The following ANKRD52 variants were observed in gnomAD, a reference collection of about 807,000 sequenced individuals.
ANKRD52 encodes the protein ankyrin repeat domain 52, also known as serine/threonine-protein phosphatase 6 regulatory ankyrin repeat subunit C.
In ANKRD52, 7 loss-of-function variants were observed where a neutral mutation model predicts 116.0. That is an observed-to-expected ratio of 0.06 (90% CI 0.03 to 0.11). ANKRD52 has a LOEUF of 0.11. Ranked by LOEUF, ANKRD52 falls within the 10% of genes least tolerant of loss-of-function variation. The pLI is 1.00. For missense variants in ANKRD52, 839 were observed against 1,408.6 expected, an observed-to-expected ratio of 0.60 and a Z score of 6.47; for synonymous variants, 528 against 578.1, an observed-to-expected ratio of 0.91 and a Z score of 1.24.
intron 15 of ANKRD52, among the ~76,000 whole-genome samples, chr12:56,251,437 G>A (rs1159367753): frequency 6.6e-6 from 1 of 151,900 alleles, no homozygotes; most frequent in African/African-American, 2.4e-5. Context: ...GTAGAGACGG[G>A]GTTTCACCAT....
chr12:56,244,111 A>T lies in ANKRD52; in HGVS notation c.2828T>A (p.Met943Lys), dbSNP rs756360363. 8.7e-6 allele frequency: 14 copies of T among 1,613,888 alleles called. 1 individual carries two copies. The highest frequency in any genetic ancestry group is 3.3e-4 in the Middle Eastern group (2 of 6,084). Reference protein sequence around the residue: ...CSKGHEKCALMILAETQDLGL... With the variant: ...CSKGHEKCALKILAETQDLGL... ...AAGGTCTTGGGTTTCTGCCAGGATC[A>T]TGAGGGCACATTTCTCATGGCCCTG... The change falls in exon 26 of 28, where the codon ATG (methionine) becomes AAG (lysine). Residue 943 changes from methionine to lysine, a missense_variant. Met to Lys is a moderately conservative substitution (Grantham distance 95). This residue lies in a region of ANKRD52 where 552 missense variants were observed against 810.6 expected (regional missense o/e 0.68). Transcript: ENST00000267116. This position sits in a 1 kb window ranked among gnomAD's most constrained non-coding sequence, Gnocchi z 4.9.
At chr12:56,250,809 T>C (rs1871653432) in intron 15 of ANKRD52, among the ~76,000 whole-genome samples, 1 of 151,876 alleles carries the variant, frequency 6.6e-6, no homozygotes, top group African/African-American at 2.4e-5. Flanking sequence ...CTATACCTAG[T>C]TTCCCGTCAT....
In ANKRD52 at chr12:56,243,066, C is replaced by G. The variant is rs1283454380; in HGVS notation, c.*76G>C. 2 of 1,467,022 alleles carry G rather than the reference C, an allele frequency of 1.4e-6. No individual in the cohort carries two copies. Among genetic ancestry groups the G allele is most frequent in the Non-Finnish European group, 1.8e-6 (2 of 1,108,576 alleles). 90.9% of individuals were successfully genotyped at this position (1,467,022 alleles called of 1,614,324 possible). On this transcript the variant is annotated 3_prime_UTR_variant, in exon 28 of 28. Coordinates refer to ENST00000267116, the MANE Select transcript of ANKRD52 (RefSeq NM_173595.4). This position sits in a 1 kb window ranked among gnomAD's most constrained non-coding sequence, Gnocchi z 4.6. ...CCAGTCGTGTTCTCCTTTAAAGTGC[C>G]CTAAATGTTTAGACTTTTTCTAAAT...
chr12:56,239,159 C>T lies in ANKRD52; in HGVS notation c.*3983G>A, dbSNP rs1387959141. On this transcript the variant is annotated 3_prime_UTR_variant, in exon 28 of 28. Coordinates refer to ENST00000267116, the MANE Select transcript of ANKRD52 (RefSeq NM_173595.4). Reference sequence around the variant, plus strand: ...AATTCAAAGAGCAGACCCTCCCCACCCCAGCTTCACCCCATCTCTGGGATT... The same window carrying T: ...AATTCAAAGAGCAGACCCTCCCCACTCCAGCTTCACCCCATCTCTGGGATT... The T allele has an allele frequency of 6.6e-6, 1 of 152,348 alleles. No individual in the cohort carries two copies. Among genetic ancestry groups the T allele is most frequent in the Admixed American group, 6.5e-5 (1 of 15,286 alleles). 9.4% of individuals were successfully genotyped at this position (152,348 alleles called of 1,614,324 possible).
At position 56,248,711 on chromosome 12, in the gene ANKRD52, G is replaced by A; in HGVS notation, c.1704+48C>T. 1 of 1,541,168 alleles carries A rather than the reference G, an allele frequency of 6.5e-7. No homozygotes were observed. ...CTTAGTTTTGGAATCCACAAACCCT[G>A]TGCCCTGCCCCTGCCTCCCCTCCTG... On this transcript the variant is annotated intron_variant, in intron 16 of 27. Transcript: ENST00000267116. This position sits in a 1 kb window ranked among gnomAD's most constrained non-coding sequence, Gnocchi z 5.1.
chr12:56,252,979 C>T lies in ANKRD52; in HGVS notation c.1183+25G>A, dbSNP rs1324102148. The T allele has an allele frequency of 2.5e-6, 4 of 1,584,276 alleles. No individual in the cohort carries two copies. Among genetic ancestry groups the T allele is most frequent in the African/African-American group, 1.3e-5 (1 of 74,304 alleles). ...GGCCTTTGCTCTCCTATACACCTGC[C>T]AATCCCCAGCCCATCAGCACATACC... On this transcript the variant is annotated intron_variant, in intron 11 of 27. Coordinates refer to ENST00000267116, the MANE Select transcript of ANKRD52 (RefSeq NM_173595.4). This position sits in a 1 kb window ranked among gnomAD's most constrained non-coding sequence, Gnocchi z 4.7.
rs1344910504 is a variant in ANKRD52 at position 56,241,214 on chromosome 12, CCTT to C, written c.*1925_*1927del. 1 of 152,108 alleles carries C rather than the reference CCTT, an allele frequency of 6.6e-6. No individual in the cohort carries two copies. Among genetic ancestry groups the C allele is most frequent in the East Asian group, 1.9e-4 (1 of 5,182 alleles). 9.4% of individuals were successfully genotyped at this position (152,108 alleles called of 1,614,324 possible). ...AAATAAAAACTAAAAGCTGCACAAT[CCTT>C]CTCATCAATAATGGTCATTTGGAAG... is the stretch of plus-strand genomic sequence containing the variant. On this transcript the variant is annotated 3_prime_UTR_variant, in exon 28 of 28. Transcript: ENST00000267116.
Position 56,245,158 on chromosome 12 carries a change from G to C in ANKRD52, c.2437C>G (p.His813Asp), listed in dbSNP as rs199849831. Reference protein sequence around the residue: ...HEDCLELLLEHSPFSYLEGNP... With the variant: ...HEDCLELLLEDSPFSYLEGNP... ...CCTTCCAGGTACGAAAACGGGCTGTGTTCAAGTAACAACTCCAGACAATCT... is the reference window on the plus strand; with the variant it reads ...CCTTCCAGGTACGAAAACGGGCTGTCTTCAAGTAACAACTCCAGACAATCT... Residue 813 changes from histidine to aspartate, a missense_variant, in exon 22 of 28, where the codon CAC becomes GAC. By Grantham distance (81) the His-to-Asp change is moderately conservative. Transcript: ENST00000267116. 1 of 1,613,896 alleles carries C rather than the reference G, an allele frequency of 6.2e-7. No homozygotes were observed. Among genetic ancestry groups the C allele is most frequent in the South Asian group, 1.1e-5 (1 of 91,084 alleles).
rs764252953 is a variant in ANKRD52 at position 56,254,405 on chromosome 12, A to G, written c.694-126T>C. On this transcript the variant is annotated intron_variant, in intron 7 of 27. Transcript: ENST00000267116. The surrounding 1 kb of genome is among the most constrained non-coding windows in gnomAD (Gnocchi z 4.6). Reference sequence around the variant, plus strand: ...TCCTCTCGGGTTTATGACCCAAGGTACTAAGGTACTAAGGGCACTATGGCT... The same window carrying G: ...TCCTCTCGGGTTTATGACCCAAGGTGCTAAGGTACTAAGGGCACTATGGCT... 425 of 1,413,012 alleles carry G rather than the reference A, an allele frequency of 3.0e-4. No individual in the cohort carries two copies. The highest frequency in any genetic ancestry group is 3.8e-4 in the Non-Finnish European group (392 of 1,035,280). 87.5% of individuals were successfully genotyped at this position (1,413,012 alleles called of 1,614,324 possible).
intron 15 of ANKRD52, among the ~76,000 whole-genome samples, chr12:56,251,140 C>T (rs1382680174): frequency 1.3e-5 from 2 of 151,990 alleles, no homozygotes; most frequent in African/African-American, 4.8e-5. Flanking sequence ...GGGGTTTCAC[C>T]ACGTTGGCCA....
In ANKRD52 at chr12:56,254,045, T is replaced by G; in HGVS notation, c.906+22A>C. The G allele has an allele frequency of 1.2e-6, 2 of 1,608,606 alleles. No individual in the cohort carries two copies. The highest frequency in any genetic ancestry group is 1.7e-6 in the Non-Finnish European group (2 of 1,175,228). On this transcript the variant is annotated intron_variant, in intron 8 of 27. Transcript: ENST00000267116. The surrounding 1 kb of genome is among the most constrained non-coding windows in gnomAD (Gnocchi z 4.6). ...ATCCAAGTTTCGCTCCCCACTGGTC[T>G]AAGCCTTATCCCTTCAGGCACCTGG...
rs369482711 is a variant in ANKRD52 at position 56,255,351 on chromosome 12, C to T, written c.463-399G>A. On this transcript the variant is annotated intron_variant, in intron 5 of 27. Transcript: ENST00000267116. The surrounding 1 kb of genome is among the most constrained non-coding windows in gnomAD (Gnocchi z 4.3). ...GACTACAGGCGGCCGCCACCACACC[C>T]GGCTAATTTTTTGTATTTTTAGTAG... Among the ~76,000 whole-genome samples the T allele has an allele frequency of 1.2e-4, 18 of 152,194 alleles. 2 individuals carry two copies. The highest frequency in any genetic ancestry group is 4.1e-4 in the African/African-American group (17 of 41,542).
Position 56,237,917 on chromosome 12 carries a change from GC to G in ANKRD52, c.*5224del. 1 of 697,536 alleles carries G rather than the reference GC, an allele frequency of 1.4e-6. No homozygotes were observed. The highest frequency in any genetic ancestry group is 2.2e-6 in the Non-Finnish European group (1 of 453,352). 43.2% of individuals were successfully genotyped at this position (697,536 alleles called of 1,614,324 possible). Reference sequence around the variant, plus strand: ...CCAGAGTGTGGTGGGAGGACCCGAAGCCGGTTGGGGGAGGATGTGAGTAGGG... The same window carrying G: ...CCAGAGTGTGGTGGGAGGACCCGAAGCGGTTGGGGGAGGATGTGAGTAGGG... On this transcript the variant is annotated 3_prime_UTR_variant, in exon 28 of 28. Coordinates refer to ENST00000267116, the MANE Select transcript of ANKRD52 (RefSeq NM_173595.4).
Position 56,254,710 on chromosome 12 carries a change from C to T in ANKRD52, c.561G>A (p.Glu187=), listed in dbSNP as rs1871865172. The change falls in exon 7 of 28, where the codon GAG becomes GAA. Residue 187 remains glutamate (E), a synonymous_variant. Transcript: ENST00000267116. This position sits in a 1 kb window ranked among gnomAD's most constrained non-coding sequence, Gnocchi z 4.6. ...CCCGTGCCACCAGCAGTTTTAGGAC[C>T]TCCAAGTGCCCTGAGAAAAGAGAAG... The part of the protein sequence containing the change: ...LHWAAFLGHL[E]VLKLLVARGA... 2.5e-6 allele frequency: 4 copies of T among 1,610,726 alleles called. No individual in the cohort carries two copies. Among genetic ancestry groups the T allele is most frequent in the Non-Finnish European group, 3.4e-6 (4 of 1,177,398 alleles).
rs774514517 is a variant in ANKRD52 at position 56,252,757 on chromosome 12, T to C, written c.1301+23A>G. Reference sequence around the variant, plus strand: ...TTTGCCCAGCTCCCTGCTCAAAGCATGGGAGAGAGAAAGAGAACTCACCCT... The same window carrying C: ...TTTGCCCAGCTCCCTGCTCAAAGCACGGGAGAGAGAAAGAGAACTCACCCT... On this transcript the variant is annotated intron_variant, in intron 12 of 27. Transcript: ENST00000267116. The surrounding 1 kb of genome is among the most constrained non-coding windows in gnomAD (Gnocchi z 4.7). The C allele has an allele frequency of 1.9e-5, 31 of 1,605,268 alleles. No homozygotes were observed. The highest frequency in any genetic ancestry group is 2.6e-5 in the Non-Finnish European group (30 of 1,172,892).
Position 56,248,798 on chromosome 12 carries a change from G to A in ANKRD52, c.1665C>T (p.His555=). 6.2e-7 allele frequency: 1 copy of A among 1,611,490 alleles called. No homozygotes were observed. Among genetic ancestry groups the A allele is most frequent in the Non-Finnish European group, 8.5e-7 (1 of 1,178,992 alleles). The change falls in exon 16 of 28, where the codon CAC becomes CAT. Residue 555 remains histidine, a synonymous_variant. Coordinates refer to ENST00000267116, the MANE Select transcript of ANKRD52 (RefSeq NM_173595.4). This position sits in a 1 kb window ranked among gnomAD's most constrained non-coding sequence, Gnocchi z 5.1. ...GTCTGTTGCCATAGGCGGCTGCATA[G>A]TGCACAGCTGTGTAGCCCTGCCTGT... ...LRDRQGYTAV[H]YAAAYGNRQN... is the part of the protein sequence containing the mutation.
At position 56,244,782 on chromosome 12, in the gene ANKRD52, G is replaced by C. The variant is rs549444729; in HGVS notation, c.2592C>G (p.Ala864=). 3 of 1,613,666 alleles carry C rather than the reference G, an allele frequency of 1.9e-6. No homozygotes were observed. Among genetic ancestry groups the C allele is most frequent in the Non-Finnish European group, 1.7e-6 (2 of 1,179,896 alleles). The change falls in exon 24 of 28, where the codon GCC becomes GCG. Residue 864 remains alanine, a synonymous_variant. Transcript: ENST00000267116. The surrounding 1 kb of genome is among the most constrained non-coding windows in gnomAD (Gnocchi z 4.9). Reference sequence around the variant, plus strand: ...CAGAGACATTGTCCGCGAAGGCAGCGGCGTGAAGGGGGGTCCTGTAAGGCA... The same window carrying C: ...CAGAGACATTGTCCGCGAAGGCAGCCGCGTGAAGGGGGGTCCTGTAAGGCA... The part of the protein sequence containing the change: ...RDAKGRTPLH[A]AAFADNVSGL...
At position 56,244,286 on chromosome 12, in the gene ANKRD52, C is replaced by T; in HGVS notation, c.2805+67G>A. On this transcript the variant is annotated intron_variant, in intron 25 of 27. Transcript: ENST00000267116. This position sits in a 1 kb window ranked among gnomAD's most constrained non-coding sequence, Gnocchi z 4.9. ...ACTTCTGCCCCAGTCCCCTCTGCAA[C>T]CGAGACTTACCTCTCTTCATCAAGC... The T allele has an allele frequency of 6.3e-7, 1 of 1,578,420 alleles. No homozygotes were observed. Among genetic ancestry groups the T allele is most frequent in the Non-Finnish European group, 8.7e-7 (1 of 1,149,554 alleles).
chr12:56,253,993 C>A lies in ANKRD52; in HGVS notation c.906+74G>T. On this transcript the variant is annotated intron_variant, in intron 8 of 27. Transcript: ENST00000267116. This position sits in a 1 kb window ranked among gnomAD's most constrained non-coding sequence, Gnocchi z 5.5. ...GCAAGTGGATAATTCCCCAAGAGAG[C>A]TATCCAGATACAGTCAGGACCCCTA... 1 of 1,460,104 alleles carries A rather than the reference C, an allele frequency of 6.8e-7. No homozygotes were observed. Among genetic ancestry groups the A allele is most frequent in the Non-Finnish European group, 9.5e-7 (1 of 1,054,834 alleles). The allele number at this position is 1,460,104 out of a possible 1,614,324, so 90.4% of individuals were successfully genotyped here. A position where few individuals can be genotyped will look rare whatever the true frequency, so the allele number is the denominator to read the frequency against.
Sources: allele counts gnomAD v4.1 joint callset (sites outside exome capture counted in the v4.1 genomes callset), GRCh38; gene constraint gnomAD v4.1.1; regional missense constraint gnomAD v4.1.1; non-coding constraint Gnocchi (gnomAD v3.1); transcripts MANE v1.5; gene names NCBI Gene and HGNC (gene_info 2026-07-23, HGNC 2026-07-21).